SHPRH: variants seen among roughly 807,000 people sequenced by gnomAD.
SHPRH encodes the protein SNF2 histone linker PHD RING helicase.
Under a neutral mutation model 202.5 loss-of-function variants are expected in SHPRH, and 106 were observed. The ratio of observed to expected loss-of-function variants is 0.52; its 90% CI spans 0.45 to 0.62. SHPRH has a LOEUF of 0.62. SHPRH is among the 20% of genes least tolerant of loss of function. The pLI is 0.00. For missense variants in SHPRH, 1,710 were observed against 2,020.0 expected, an observed-to-expected ratio of 0.85 and a Z score of 2.94; for synonymous variants, 729 against 686.0, an observed-to-expected ratio of 1.06 and a Z score of -0.98.
intron 2 of SHPRH, among the ~76,000 whole-genome samples, chr6:145,867,534 T>C (rs942682497): frequency 6.8e-6 from 1 of 147,244 alleles, no homozygotes; most frequent in Non-Finnish European, 1.5e-5. Context: ...GAAGCTGCAG[T>C]GGGCTGTGAT....
At chr6:145,948,957 C>T (rs1259825754) in intron 4 of SHPRH, among the ~76,000 whole-genome samples, 1 of 151,926 alleles carries the variant, frequency 6.6e-6, no homozygotes, top group Non-Finnish European at 1.5e-5. Context: ...TGTCTCTACC[C>T]ACCAATGAAA....
chr6:145,902,902 A>AT (rs1248679575), intron 25 of SHPRH, among the ~76,000 whole-genome samples: 1 of 152,012 alleles, frequency 6.6e-6, no homozygotes, highest in Non-Finnish European at 1.5e-5. Context: ...TCAACAAATG[A>AT]TTTTTTCATA....
At chr6:145,932,346 C>T (rs1785554210) in intron 14 of SHPRH, among the ~76,000 whole-genome samples, 1 of 152,060 alleles carries the variant, frequency 6.6e-6, no homozygotes, top group African/African-American at 2.4e-5. Flanking sequence ...GCAAAATATA[C>T]AAAATGACAG....
At position 145,941,715 on chromosome 6, in the gene SHPRH, G is replaced by C. The variant is rs756521726; in HGVS notation, c.2398C>G (p.Arg800Gly). ...AGGGGGCTCGGGATAGCCATATAGC[G>C]CTTCTGGTTCCGTAGGCGACGCCCA... ...EDGRRLRNQKRYMAIPSPLVA... is the reference protein window; with the variant it reads ...EDGRRLRNQKGYMAIPSPLVA... Residue 800 changes from arginine (R) to glycine (G), a missense_variant, in exon 10 of 30, where the codon CGC (arginine) becomes GGC (glycine). This residue lies in a region of SHPRH where 277 missense variants were observed against 363.0 expected (regional missense o/e 0.76). Transcript: ENST00000275233. The C allele has an allele frequency of 1.2e-5, 19 of 1,613,974 alleles. No homozygotes were observed. Among genetic ancestry groups the C allele is most frequent in the Non-Finnish European group, 1.5e-5 (18 of 1,179,954 alleles).
At chr6:145,891,292 A>C (rs1303615963) in intron 28 of SHPRH, among the ~76,000 whole-genome samples, 1 of 152,116 alleles carries the variant, frequency 6.6e-6, no homozygotes, top group Non-Finnish European at 1.5e-5. Context: ...GGGCCTTTGC[A>C]CCGAAAGCAC....
In SHPRH at chr6:145,918,163, C is replaced by G; in HGVS notation, c.4222G>C (p.Gly1408Arg). ...AAATTAGTTAGGTAAAGAAGCTGCCCAAGTTTTTTCTGAAGCTGTGATGTA... is the reference window on the plus strand; with the variant it reads ...AAATTAGTTAGGTAAAGAAGCTGCCGAAGTTTTTTCTGAAGCTGTGATGTA... ...VATSQLQKKL[G>R]QLLYLTNLEK... The change falls in exon 23 of 30, where the codon GGG becomes CGG. Residue 1408 changes from glycine to arginine, a missense_variant. This residue lies in a region of SHPRH where 306 missense variants were observed against 479.5 expected (regional missense o/e 0.64). Coordinates refer to ENST00000275233, the MANE Select transcript of SHPRH (RefSeq NM_001042683.3). 1 of 1,605,466 alleles carries G rather than the reference C, an allele frequency of 6.2e-7. No individual in the cohort carries two copies. Among genetic ancestry groups the G allele is most frequent in the Non-Finnish European group, 8.5e-7 (1 of 1,175,800 alleles).
At chr6:145,925,039 A>ACTTGTCCAAGTAACAAAATTTC (rs1304363954) in intron 16 of SHPRH, among the ~76,000 whole-genome samples, 193 bp from the exon 17 acceptor site, 38 of 151,986 alleles carry the variant, frequency 2.5e-4, no homozygotes, top group African/African-American at 9.2e-4. Context: ...AACAAAATTT[A>ACTTGTCCAAGTAACAAAATTTC]CTTGTCCAAG....
In SHPRH at chr6:145,917,405, T is replaced by C. The variant is rs560867316; in HGVS notation, c.4254+726A>G. ...CTGTCCAGTTCCAAAGTCTACCTTC[T>C]TAGTCGCCATGCTATATCTATAATG... is the stretch of plus-strand genomic sequence containing the variant. On this transcript the variant is annotated intron_variant, in intron 23 of 29. Transcript: ENST00000275233. 5 of 152,296 alleles carry C rather than the reference T, an allele frequency of 3.3e-5. No individual in the cohort carries two copies. The East Asian group carries it at 9.7e-4, about 29-fold the overall frequency. The allele number at this position is 152,296 out of a possible 1,614,324, so 9.4% of individuals were successfully genotyped here. A position where few individuals can be genotyped will look rare whatever the true frequency, so the allele number is the denominator to read the frequency against.
intron 18 of SHPRH, 122 bp from the exon 19 acceptor site, chr6:145,922,958 T>TC: frequency 8.5e-7 from 1 of 1,170,136 alleles, no homozygotes; most frequent in Non-Finnish European, 1.1e-6. Flanking sequence ...TTTTTTTTTT[T>TC]TAACAGCAAC....
rs1383424124 is a variant in SHPRH, at chr6:145,943,197, G to A, written c.2184C>T (p.His728=). 5.6e-6 allele frequency: 9 copies of A among 1,613,240 alleles called. No individual in the cohort carries two copies. The highest frequency in any genetic ancestry group is 7.6e-6 in the Non-Finnish European group (9 of 1,179,602). The change falls in exon 9 of 30, where the codon CAC becomes CAT. Residue 728 remains histidine (H), a synonymous_variant. Transcript: ENST00000275233. The part of the protein sequence containing the change: ...TLIISPSSIC[H]QWVDEINRHV... ...GCCTGTTGATCTCATCCACCCACTGGTGACAGATGGAACTTGGAGAGATGA... is the reference window on the plus strand; with the variant it reads ...GCCTGTTGATCTCATCCACCCACTGATGACAGATGGAACTTGGAGAGATGA...
intron 28 of SHPRH, among the ~76,000 whole-genome samples, chr6:145,889,224 G>C (rs1224332143): frequency 1.3e-5 from 2 of 152,070 alleles, no homozygotes; most frequent in South Asian, 2.1e-4. Context: ...ATTCATCGAA[G>C]GGGTGTAGAC....
intron 28 of SHPRH, among the ~76,000 whole-genome samples, chr6:145,889,695 T>C (rs1781420367): frequency 1.3e-5 from 2 of 152,162 alleles, no homozygotes; most frequent in Admixed American, 1.3e-4. Flanking sequence ...ACTATGTATA[T>C]GCAAATATTC....
chr6:145,944,982 C>G (rs1357010331), intron 8 of SHPRH, among the ~76,000 whole-genome samples: 1 of 152,064 alleles, frequency 6.6e-6, no homozygotes, highest in African/African-American at 2.4e-5. Flanking sequence ...GACAGCTTGG[C>G]ACAGGAGTTC....
At chr6:145,864,831 G>C (rs1255244181) in intron 2 of SHPRH, among the ~76,000 whole-genome samples, 1 of 151,774 alleles carries the variant, frequency 6.6e-6, no homozygotes, top group Non-Finnish European at 1.5e-5. Context: ...CCACGTTTTA[G>C]GTCATTAGTA....
chr6:145,963,344 A>G (rs1167825361), intron 1 of SHPRH, among the ~76,000 whole-genome samples: 1 of 152,210 alleles, frequency 6.6e-6, no homozygotes, highest in Non-Finnish European at 1.5e-5. Flanking sequence ...GTTCAGAAAA[A>G]GCCCCAAGTT....
At chr6:145,859,459 A>G (rs1258320322), downstream of SHPRH, among the ~76,000 whole-genome samples, 8 of 152,044 alleles carry the variant, frequency 5.3e-5, no homozygotes, top group Admixed American at 2.0e-4. Flanking sequence ...AGAATAACTT[A>G]TCCATGTAGA....
intron 14 of SHPRH, among the ~76,000 whole-genome samples, chr6:145,930,864 G>C (rs1336786489): frequency 2.0e-5 from 3 of 152,024 alleles, no homozygotes; most frequent in African/African-American, 7.2e-5. Context: ...AATTCTATCA[G>C]TTTTTAGTAT....
chr6:145,926,876 G>C (rs1275130151), intron 15 of SHPRH, among the ~76,000 whole-genome samples: 2 of 151,816 alleles, frequency 1.3e-5, no homozygotes, highest in Admixed American at 1.3e-4. Context: ...TAAATATGTT[G>C]ATATTCATAT....
chr6:145,867,629 TATAGAGAGAGAGAGAGAGAGAG>T (rs1435058050), intron 2 of SHPRH, among the ~76,000 whole-genome samples: 1 of 43,912 alleles, frequency 2.3e-5, no homozygotes, highest in Non-Finnish European at 3.9e-5. Flanking sequence ...TATATATATA[TATAGAGAGAGAGAGAGAGAGAG>T]AGAGAGAGAG....
Sources: allele counts gnomAD v4.1 joint callset (sites outside exome capture counted in the v4.1 genomes callset), GRCh38; gene constraint gnomAD v4.1.1; regional missense constraint gnomAD v4.1.1; transcripts MANE v1.5; gene names NCBI Gene and HGNC (gene_info 2026-07-23, HGNC 2026-07-21).